Variants in MIA2 observed in about 807,000 individuals in gnomAD.
MIA2 encodes the protein MIA SH3 domain ER export factor 2.
In MIA2, 127 loss-of-function variants were observed where a neutral mutation model predicts 167.8. The ratio of observed to expected loss-of-function variants is 0.76; its 90% CI spans 0.66 to 0.88. The LOEUF is 0.88. Ranked by LOEUF, MIA2 falls within the 40% of genes least tolerant of loss-of-function variation. MIA2 has a pLI of 0.00. For synonymous variants in MIA2, 552 were observed against 541.9 expected, an observed-to-expected ratio of 1.02 and a Z score of -0.26; for missense variants, 1,690 against 1,624.7, an observed-to-expected ratio of 1.04 and a Z score of -0.69.
At chr14:39,275,139 TTG>T (rs67380839) in intron 6 of MIA2, among the ~76,000 whole-genome samples, 17 of 126,710 alleles carry the variant, frequency 1.3e-4, no homozygotes, top group African/African-American at 2.7e-4. Flanking sequence ...CCTTAATCCT[TTG>T]TGTGTGTGTG....
chr14:39,338,218 A>G (rs550416937), intron 25 of MIA2, among the ~76,000 whole-genome samples: 1 of 152,318 alleles, frequency 6.6e-6, no homozygotes, highest in East Asian at 1.9e-4. Context: ...GTAAAATGTC[A>G]TAGAACTAGA....
intron 12 of MIA2, 22 bp from the exon 13 acceptor site, chr14:39,294,903 T>G: frequency 6.8e-7 from 1 of 1,480,152 alleles, no homozygotes; most frequent in Non-Finnish European, 9.4e-7. Flanking sequence ...GTTACAAACT[T>G]GACATTTTTT....
intron 4 of MIA2, among the ~76,000 whole-genome samples, chr14:39,251,929 G>A (rs1037230234): frequency 6.6e-6 from 1 of 151,986 alleles, no homozygotes; most frequent in Non-Finnish European, 1.5e-5. Flanking sequence ...TGCATACATA[G>A]CAGGAATGAA....
In MIA2 at chr14:39,265,290, A is replaced by G. The variant is rs1051869718; in HGVS notation, c.1888-11644A>G. The G allele has an allele frequency of 5.6e-6, 5 of 888,684 alleles. No individual in the cohort carries two copies. The African/African-American group carries it at 8.4e-5, about 15-fold the overall frequency. 55.0% of individuals were successfully genotyped at this position (888,684 alleles called of 1,614,324 possible). A position where few individuals can be genotyped will look rare whatever the true frequency, so the allele number is the denominator to read the frequency against. Reference sequence around the variant, plus strand: ...AAACGGGATCACAGTGTGGAAACAGAAGAGTGCAGGATATATTAGAATCTG... The same window carrying G: ...AAACGGGATCACAGTGTGGAAACAGGAGAGTGCAGGATATATTAGAATCTG... On this transcript the variant is annotated intron_variant, in intron 6 of 28. Coordinates refer to ENST00000640607, the MANE Select transcript of MIA2 (RefSeq NM_001329214.4).
At chr14:39,244,184 T>A (rs2054186941) in intron 3 of MIA2, among the ~76,000 whole-genome samples, 1 of 152,072 alleles carries the variant, frequency 6.6e-6, no homozygotes, top group Admixed American at 6.6e-5. Flanking sequence ...GGAGGAAAAA[T>A]TAGAGTAATA....
intron 25 of MIA2, among the ~76,000 whole-genome samples, chr14:39,334,459 G>C (rs960921842): frequency 4.6e-5 from 7 of 151,236 alleles, no homozygotes; most frequent in African/African-American, 1.7e-4. Flanking sequence ...TGGCAACAGA[G>C]AGAGACTCTC....
chr14:39,249,753 T>A (rs1447900368), intron 4 of MIA2, among the ~76,000 whole-genome samples: 1 of 152,132 alleles, frequency 6.6e-6, no homozygotes, highest in East Asian at 1.9e-4. Context: ...ATGGACAGAA[T>A]ATAAATGCAG....
Position 39,237,061 on chromosome 14 carries a change from T to C in MIA2, c.249+6T>C. 6.2e-7 allele frequency: 1 copy of C among 1,609,290 alleles called. No individual in the cohort carries two copies. Among genetic ancestry groups the C allele is most frequent in the Non-Finnish European group, 8.5e-7 (1 of 1,178,822 alleles). ...AAGATTTGTGGGCAGGAAGTGTAAG[T>C]AACTACTTTTAAAAATTGAATGCAG... On this transcript the variant is annotated splice_donor_region_variant and intron_variant, in intron 2 of 28. Transcript: ENST00000640607.
intron 9 of MIA2, among the ~76,000 whole-genome samples, chr14:39,285,357 C>G (rs1317764405): frequency 6.6e-6 from 1 of 150,898 alleles, no homozygotes; most frequent in African/African-American, 2.4e-5. Context: ...ACCTCCCGGA[C>G]GGGGCGGCGG....
chr14:39,277,295 G>A (rs983256707), intron 7 of MIA2, among the ~76,000 whole-genome samples: 1 of 151,792 alleles, frequency 6.6e-6, no homozygotes, highest in African/African-American at 2.4e-5. Context: ...GGAGGCCAAG[G>A]CAGAAAGATC....
intron 1 of MIA2, among the ~76,000 whole-genome samples, chr14:39,235,334 T>C (rs1308612127): frequency 6.6e-6 from 1 of 152,172 alleles, no homozygotes; most frequent in Non-Finnish European, 1.5e-5. Flanking sequence ...GAGAATTACT[T>C]CTAATTTGCA....
At chr14:39,364,512 A>G (rs1176664426) in intron 23 of MIA2, among the ~76,000 whole-genome samples, 1 of 150,878 alleles carries the variant, frequency 6.6e-6, no homozygotes, top group Non-Finnish European at 1.5e-5. Flanking sequence ...TTGCTTTACC[A>G]GTAAGTTTTA....
In MIA2 at chr14:39,285,439, T is replaced by TCCC. The variant is rs2059524905; in HGVS notation, c.2131-5580_2131-5579insCCC. Among the ~76,000 whole-genome samples, 9 of 90,422 alleles carry TCCC rather than the reference T, an allele frequency of 1.0e-4. 3 individuals are homozygous for TCCC. The highest frequency in any genetic ancestry group is 2.3e-4 in the African/African-American group (5 of 21,312). The allele number at this position is 90,422 out of a possible 152,430, so 59.3% of individuals were successfully genotyped here. ...CCGGGCGGGGGCTGACCCCCCCACC[T>TCCC]TCCTCCCGGACGGGGCGGCTGGCCG... On this transcript the variant is annotated intron_variant, in intron 9 of 28. Transcript: ENST00000640607.
At chr14:39,244,493 G>A (rs146117816) in intron 3 of MIA2, among the ~76,000 whole-genome samples, 151 of 152,266 alleles carry the variant, frequency 9.9e-4, no homozygotes, top group African/African-American at 3.4e-3. Context: ...CAAAGGGTTT[G>A]ACTCCAGAGT....
At chr14:39,316,311 C>G (rs1158722677) in intron 21 of MIA2, among the ~76,000 whole-genome samples, 1 of 152,112 alleles carries the variant, frequency 6.6e-6, no homozygotes, top group African/African-American at 2.4e-5. Flanking sequence ...AGTAGCTGGC[C>G]TTTGGAGTAC....
exon 24 of MIA2, chr14:39,386,897 C>T (rs748833188): frequency 3.4e-5 from 27 of 799,024 alleles, no homozygotes; most frequent in Middle Eastern, 2.2e-4. Context: ...GCACGCTCTC[C>T]GCCCGGGGCA....
intron 22 of MIA2, among the ~76,000 whole-genome samples, 176 bp downstream of exon 22, chr14:39,318,187 G>C (rs1309213299): frequency 1.3e-5 from 2 of 152,250 alleles, no homozygotes; most frequent in South Asian, 2.1e-4. Context: ...ACTTGTCTTA[G>C]GTCACTGAAG....
chr14:39,247,135 CG>C lies in MIA2; in HGVS notation c.563del (p.Gly188GlufsTer12). The C allele has an allele frequency of 6.2e-7, 1 of 1,613,726 alleles. No individual in the cohort carries two copies. Among genetic ancestry groups the C allele is most frequent in the Non-Finnish European group, 8.5e-7 (1 of 1,179,912 alleles). On this transcript the variant is annotated frameshift_variant, in exon 4 of 29. Transcript: ENST00000640607. LOFTEE classifies it high-confidence loss of function. ...CAGCATTAGAGGCTCCTGAAGATAT[CG>C]GAAGTACCAGTGAATCAAAAGACTG... ...VPALEAPEDIGSTSESKDWEE... is the reference protein window; with the variant it reads ...VPALEAPEDIXSTSESKDWEE...
intron 25 of MIA2, among the ~76,000 whole-genome samples, chr14:39,341,243 A>T (rs1304960579): frequency 6.6e-6 from 1 of 152,152 alleles, no homozygotes; most frequent in Non-Finnish European, 1.5e-5. Context: ...GAGAGCTTAC[A>T]GTGAGCTGAG....
Sources: gnomAD v4.1 joint callset for allele counts (sites outside exome capture counted in the v4.1 genomes callset) on GRCh38, gnomAD v4.1.1 for gene constraint, MANE v1.5 for transcripts, NCBI Gene and HGNC (gene_info 2026-07-23, HGNC 2026-07-21) for gene names.